SQOR: variants seen among roughly 807,000 people sequenced by gnomAD.
SQOR encodes sulfide quinone oxidoreductase, also known as sulfide:quinone oxidoreductase, mitochondrial.
SQOR carries 39 observed loss-of-function variants against 48.6 expected under a neutral mutation model. The observed-to-expected ratio is 0.80, with a 90% CI of 0.62 to 1.05. SQOR has a LOEUF of 1.05. Ranked by LOEUF, SQOR falls within the 50% of genes least tolerant of loss-of-function variation. The pLI is 0.00. For missense variants in SQOR, 561 were observed against 559.9 expected (o/e 1.00, Z -0.02); for synonymous variants, 220 against 206.2 (o/e 1.07, Z -0.57).
intron 1 of SQOR, among the ~76,000 whole-genome samples, chr15:45,638,632 G>A (rs942238716): frequency 4.0e-4 from 61 of 152,072 alleles, no homozygotes; most frequent in African/African-American, 1.4e-3. Flanking sequence ...GCTGAGGCAT[G>A]AGACTTGCTT....
chr15:45,656,880 C>CT (rs34012182), intron 1 of SQOR, among the ~76,000 whole-genome samples: 100,237 of 151,788 alleles, frequency 0.66, 33,227 homozygotes, highest in Admixed American at 0.74. Flanking sequence ...TCTCAGCTTA[C>CT]TGCAACCTCT....
At chr15:45,685,050 G>A (rs1271199482) in intron 7 of SQOR, among the ~76,000 whole-genome samples, 1 of 152,142 alleles carries the variant, frequency 6.6e-6, no homozygotes, top group Non-Finnish European at 1.5e-5. Context: ...CATAATGAGT[G>A]CTCTTTACCT....
intron 1 of SQOR, among the ~76,000 whole-genome samples, chr15:45,650,304 T>C (rs976241015): frequency 6.6e-6 from 1 of 152,224 alleles, no homozygotes; most frequent in Non-Finnish European, 1.5e-5. Flanking sequence ...AGAATCACCC[T>C]GTGGACCCTC....
chr15:45,676,110 C>A lies in SQOR; in HGVS notation c.664C>A (p.Arg222=). ...SEAYFRKTGK[R]SKANIIFNTS... ...TTCTTATTTTTCTCAGACAGGGAAG[C>A]GATCCAAGGCCAATATCATTTTCAA... is the stretch of plus-strand genomic sequence containing the variant. Residue 222 remains arginine, a synonymous_variant, in exon 6 of 10, where the codon CGA becomes AGA. Transcript: ENST00000260324. 6.2e-7 allele frequency: 1 copy of A among 1,612,920 alleles called. No individual in the cohort carries two copies. Among genetic ancestry groups the A allele is most frequent in the South Asian group, 1.1e-5 (1 of 90,876 alleles).
chr15:45,675,581 G>C (rs1450365138), intron 5 of SQOR, among the ~76,000 whole-genome samples: 4 of 151,888 alleles, frequency 2.6e-5, no homozygotes, highest in Non-Finnish European at 5.9e-5. Context: ...TTTTGGTAGA[G>C]ACAGGCTTGT....
chr15:45,645,841 T>C (rs959292399), intron 1 of SQOR: 18 of 152,202 alleles, frequency 1.2e-4, no homozygotes, highest in Admixed American at 5.9e-4. Context: ...TTTCACCTCC[T>C]CCAGTTAAAT....
intron 2 of SQOR, among the ~76,000 whole-genome samples, chr15:45,661,392 C>T (rs1889718477): frequency 6.7e-6 from 1 of 149,174 alleles, no homozygotes; most frequent in Non-Finnish European, 1.5e-5. Context: ...GGATCTGGTA[C>T]TTATTGTCTT....
At chr15:45,644,074 G>C (rs1457226389) in intron 1 of SQOR, among the ~76,000 whole-genome samples, 2 of 152,060 alleles carry the variant, frequency 1.3e-5, no homozygotes, top group Non-Finnish European at 2.9e-5. Flanking sequence ...AGACGGCATA[G>C]AGACGGCGTA....
At chr15:45,674,427 C>T (rs112345993) in intron 5 of SQOR, among the ~76,000 whole-genome samples, 11,877 of 148,984 alleles carry the variant, frequency 0.08, 600 homozygotes, top group Middle Eastern at 0.17. Context: ...GCAACAAGAG[C>T]GAAGCTCCGT....
chr15:45,690,674 A>G (rs1254763890), intron 9 of SQOR, among the ~76,000 whole-genome samples: 1 of 149,472 alleles, frequency 6.7e-6, no homozygotes, highest in Admixed American at 6.7e-5. Context: ...TCCTACAGTT[A>G]ATTATGAGGT....
intron 3 of SQOR, among the ~76,000 whole-genome samples, chr15:45,666,258 C>A (rs892936785): frequency 3.3e-5 from 5 of 152,144 alleles, no homozygotes; most frequent in Non-Finnish European, 7.3e-5. Context: ...TCAGGTTATC[C>A]CTTGATGTGC....
intron 5 of SQOR, 62 bp from the exon 6 acceptor site, chr15:45,676,039 T>TAA (rs199639985): frequency 3.9e-3 from 4,989 of 1,272,866 alleles, no homozygotes; most frequent in East Asian, 0.019. Context: ...TTGTCTGGAT[T>TAA]AAAAAAAAAA....
chr15:45,641,720 A>G (rs1313939078), intron 1 of SQOR, among the ~76,000 whole-genome samples: 1 of 152,190 alleles, frequency 6.6e-6, no homozygotes, highest in Non-Finnish European at 1.5e-5. Flanking sequence ...ACACTCATTC[A>G]GTTTTCAAGG....
intron 2 of SQOR, 137 bp from the exon 3 acceptor site, chr15:45,661,818 A>T (rs532681681): frequency 2.3e-5 from 19 of 833,390 alleles, no homozygotes; most frequent in Admixed American, 3.0e-5. Flanking sequence ...GACGGAGCTA[A>T]CTTTGTGGAG....
rs757986564 is a variant in SQOR at position 45,652,638 on chromosome 15, C to CTTTTT, written c.-17-6247_-17-6243dup. On this transcript the variant is annotated intron_variant, in intron 1 of 9. Transcript: ENST00000260324. Reference sequence around the variant, plus strand: ...TTTTGGTATTACAGGCGTGAGCCTCCTTTTTTTTTTTTTTTTTTTTTTTTT... The same window carrying CTTTTT: ...TTTTGGTATTACAGGCGTGAGCCTCCTTTTTTTTTTTTTTTTTTTTTTTTTTTTTT... Among the ~76,000 whole-genome samples, 13 of 60,276 alleles carry CTTTTT rather than the reference C, an allele frequency of 2.2e-4. 2 individuals are homozygous for CTTTTT. Among genetic ancestry groups the CTTTTT allele is most frequent in the East Asian group, 1.6e-3 (2 of 1,284 alleles). The allele number at this position is 60,276 out of a possible 152,430, so 39.5% of individuals were successfully genotyped here.
chr15:45,650,535 G>T (rs1015898921), intron 1 of SQOR, among the ~76,000 whole-genome samples: 12 of 152,110 alleles, frequency 7.9e-5, no homozygotes, highest in Admixed American at 3.9e-4. Context: ...AAGAGCAAAA[G>T]AAGAAAGCAT....
chr15:45,665,908 C>T (rs565148234), intron 3 of SQOR, among the ~76,000 whole-genome samples: 3 of 152,252 alleles, frequency 2.0e-5, no homozygotes, highest in African/African-American at 7.2e-5. Flanking sequence ...TTTACACTTT[C>T]CCACCTTATT....
intron 1 of SQOR, among the ~76,000 whole-genome samples, chr15:45,652,321 C>G (rs1464640439): frequency 6.6e-6 from 1 of 151,952 alleles, no homozygotes; most frequent in Non-Finnish European, 1.5e-5. Context: ...CCAGTTTGAT[C>G]TTCCATTGAG....
intron 3 of SQOR, among the ~76,000 whole-genome samples, chr15:45,665,500 C>T (rs1889797061): frequency 6.6e-6 from 1 of 151,422 alleles, no homozygotes; most frequent in African/African-American, 2.4e-5. Context: ...TAACATGTCA[C>T]TAGAGAGCTT....
Sources: allele counts gnomAD v4.1 joint callset (sites outside exome capture counted in the v4.1 genomes callset), GRCh38; gene constraint gnomAD v4.1.1; transcripts MANE v1.5; gene names NCBI Gene and HGNC (gene_info 2026-07-23, HGNC 2026-07-21).